Variants in NCOR2 observed in about 807,000 individuals in gnomAD.
NCOR2 encodes the protein CTG repeat protein 26.
NCOR2 carries 81 observed loss-of-function variants against 262.9 expected under a neutral mutation model. The ratio of observed to expected loss-of-function variants is 0.31; its 90% CI spans 0.26 to 0.37. NCOR2 has a LOEUF of 0.37. Among genes scored for constraint, NCOR2 ranks in the 10% least tolerant of loss-of-function variants. The pLI is 1.00. For missense variants in NCOR2, 3,385 were observed against 3,621.4 expected (o/e 0.93, Z 1.68); for synonymous variants, 1,659 against 1,559.3 (o/e 1.06, Z -1.51).
At chr12:124,444,570 G>A (rs1452494626) in intron 7 of NCOR2, among the ~76,000 whole-genome samples, 4 of 152,278 alleles carry the variant, frequency 2.6e-5, no homozygotes, top group Middle Eastern at 3.4e-3. Context: ...AGAGGAATGC[G>A]GTGGGAAGAA....
At chr12:124,460,518 G>T (rs1442727095) in intron 5 of NCOR2, among the ~76,000 whole-genome samples, 1 of 152,210 alleles carries the variant, frequency 6.6e-6, no homozygotes, top group Non-Finnish European at 1.5e-5. Context: ...GGCCATGGGG[G>T]AAGCAGTCCA....
chr12:124,325,377 G>GC (rs58967881), exon 47 of NCOR2: 9,407 of 249,790 alleles, frequency 0.038, 822 homozygotes, highest in African/African-American at 0.088. Context: ...ACCTGACACC[G>GC]CCCCCCCCCC....
At position 124,483,979 on chromosome 12, in the gene NCOR2, C is replaced by G. The variant is rs533528962; in HGVS notation, c.234-206G>C. Among the ~76,000 whole-genome samples, 2 of 152,196 alleles carry G rather than the reference C, an allele frequency of 1.3e-5. No homozygotes were observed. Among genetic ancestry groups the G allele is most frequent in the African/African-American group, 2.4e-5 (1 of 41,458 alleles). On this transcript the variant is annotated intron_variant, in intron 2 of 46. Transcript: ENST00000405201. This position sits in a 1 kb window ranked among gnomAD's most constrained non-coding sequence, Gnocchi z 6.3. ...CGCTGCCTTCCTTCAGGTCCACATT[C>G]ACCGAGGACATTTACAGGGAGGGAG...
chr12:124,332,094 A>G, intron 43 of NCOR2: 1 of 568,180 alleles, frequency 1.8e-6, no homozygotes, highest in Non-Finnish European at 3.1e-6. Flanking sequence ...GCTGGGTGCT[A>G]TTCTTCTGTG....
At chr12:124,348,035 A>G (rs572869721) in intron 29 of NCOR2, 124 bp from the exon 32 acceptor site, 4 of 1,463,224 alleles carry the variant, frequency 2.7e-6, no homozygotes, top group Non-Finnish European at 3.7e-6. Flanking sequence ...AGGACCCAGC[A>G]CGGGAAGGTC....
intron 1 of NCOR2, among the ~76,000 whole-genome samples, chr12:124,507,534 C>T (rs1459647014): frequency 1.3e-5 from 2 of 152,096 alleles, no homozygotes; most frequent in African/African-American, 2.4e-5. Flanking sequence ...TGCGTCCAGG[C>T]CTTGTCTCTG....
exon 10 of NCOR2, chr12:124,429,674 A>T: frequency 6.2e-7 from 1 of 1,609,286 alleles, no homozygotes; most frequent in Non-Finnish European, 8.5e-7. Flanking sequence ...GGCGGCCGAC[A>T]TGGACAGCCC....
At chr12:124,427,050 G>A (rs578199056) in intron 10 of NCOR2, among the ~76,000 whole-genome samples, 11 of 152,306 alleles carry the variant, frequency 7.2e-5, no homozygotes, top group East Asian at 1.9e-4. Context: ...AGCAGCAGCC[G>A]CCTTCTCTGC....
Position 124,532,134 on chromosome 12 carries a change from T to C in NCOR2, c.-118+3431A>G, listed in dbSNP as rs181394872. Among the ~76,000 whole-genome samples, 289 of 152,228 alleles carry C rather than the reference T, an allele frequency of 1.9e-3. 2 individuals carry two copies. The highest frequency in any genetic ancestry group is 6.5e-3 in the African/African-American group (269 of 41,534). On this transcript the variant is annotated intron_variant, in intron 1 of 46. Transcript: ENST00000404621. ...ACGGTGCCCACCTCCAGGGTCGCCCTGAGATTTAAGGAGGTAATTCCACAA... is the reference window on the plus strand; with the variant it reads ...ACGGTGCCCACCTCCAGGGTCGCCCCGAGATTTAAGGAGGTAATTCCACAA...
At chr12:124,499,609 C>T (rs930794946), upstream of NCOR2, among the ~76,000 whole-genome samples, 15 of 152,114 alleles carry the variant, frequency 9.9e-5, no homozygotes, top group African/African-American at 1.7e-4. Context: ...CCCCGCCAGG[C>T]GGTGAGCACA....
chr12:124,340,628 C>A, exon 35 of NCOR2: 2 of 1,495,040 alleles, frequency 1.3e-6, no homozygotes, highest in Non-Finnish European at 1.8e-6. Flanking sequence ...GCTGCTGTGG[C>A]GGCTGCTGAA....
At chr12:124,346,359 A>G (rs971916102) in intron 31 of NCOR2, among the ~76,000 whole-genome samples, 2 of 152,030 alleles carry the variant, frequency 1.3e-5, no homozygotes, top group Non-Finnish European at 2.9e-5. Context: ...ATGTGAGTTC[A>G]GTAGAATCAG....
intron 7 of NCOR2, among the ~76,000 whole-genome samples, chr12:124,447,242 T>C (rs1430193446): frequency 6.6e-6 from 1 of 152,230 alleles, no homozygotes; most frequent in African/African-American, 2.4e-5. Flanking sequence ...TAGAAACATG[T>C]TTGTTTGTGA....
chr12:124,463,597 G>A (rs563905923), intron 5 of NCOR2, among the ~76,000 whole-genome samples: 1 of 152,372 alleles, frequency 6.6e-6, no homozygotes, highest in East Asian at 1.9e-4. Context: ...TGCCAGGCGG[G>A]CCCTGCCCGG....
At chr12:124,400,782 G>A in intron 14 of NCOR2, 109 bp from the exon 17 acceptor site, 2 of 1,383,442 alleles carry the variant, frequency 1.4e-6, no homozygotes, top group Non-Finnish European at 2.0e-6. Context: ...GCCAGCCATG[G>A]CACTAATCGG....
intron 13 of NCOR2, among the ~76,000 whole-genome samples, chr12:124,409,244 TGAGGCCAGGATTCCTGGC>T (rs1174492587): frequency 1.3e-5 from 2 of 152,272 alleles, no homozygotes. Flanking sequence ...GCTCCTGCTC[TGAGGCCAGGATTCCTGGC>T]CCTGGCCCAC....
At chr12:124,505,618 A>T (rs917302094) in intron 1 of NCOR2, among the ~76,000 whole-genome samples, 4 of 152,070 alleles carry the variant, frequency 2.6e-5, no homozygotes, top group East Asian at 1.9e-4. Flanking sequence ...CAGCTGTGTG[A>T]CCTTGGGTGA....
intron 1 of NCOR2, among the ~76,000 whole-genome samples, chr12:124,532,102 G>A (rs2050824021): frequency 6.6e-6 from 1 of 152,140 alleles, no homozygotes; most frequent in Non-Finnish European, 1.5e-5. Flanking sequence ...GGAGAATGGG[G>A]ATAAGGACGG....
chr12:124,469,722 G>A (rs190826820), intron 4 of NCOR2, among the ~76,000 whole-genome samples: 3 of 152,316 alleles, frequency 2.0e-5, no homozygotes, highest in Non-Finnish European at 4.4e-5. Flanking sequence ...AGGTTGTTTG[G>A]AAGATCAAGG....
Sources: gnomAD v4.1 joint callset for allele counts (sites outside exome capture counted in the v4.1 genomes callset) on GRCh38, gnomAD v4.1.1 for gene constraint, Gnocchi (gnomAD v3.1) non-coding constraint, MANE v1.5 for transcripts, NCBI Gene and HGNC (gene_info 2026-07-23, HGNC 2026-07-21) for gene names.